DCX: variants seen among roughly 807,000 people sequenced by gnomAD.
DCX encodes the protein neuronal migration protein doublecortin.
In DCX, 4 loss-of-function variants were observed where a neutral mutation model predicts 20.9. That is an observed-to-expected ratio of 0.19 (90% CI 0.09 to 0.44). The LOEUF (loss-of-function observed/expected upper bound fraction) is 0.44, where lower values mean the gene tolerates loss of function less well. Ranked by LOEUF, DCX falls within the 20% of genes least tolerant of loss-of-function variation. DCX has a pLI of 0.99. For missense variants in DCX, 133 were observed against 296.9 expected (o/e 0.45, Z 4.06); for synonymous variants, 103 against 111.4 (o/e 0.92, Z 0.47).
At chrX:111,349,467 C>T (rs181508702) in intron 3 of DCX, among the ~76,000 whole-genome samples, 1 of 111,515 alleles carries the variant, frequency 9.0e-6, no homozygotes, top group African/African-American at 3.3e-5. Context: ...CATTGCCTCC[C>T]AGGTTGCTAG....
chrX:111,312,239 C>T (rs962670819), intron 6 of DCX, among the ~76,000 whole-genome samples: 7 of 111,701 alleles, frequency 6.3e-5, no homozygotes, highest in Non-Finnish European at 1.3e-4. Flanking sequence ...CTCAGTGCAA[C>T]TTTTTGGGAC....
chrX:111,392,814 C>T (rs994478798), intron 3 of DCX, among the ~76,000 whole-genome samples: 6 of 110,881 alleles, frequency 5.4e-5, no homozygotes, highest in African/African-American at 2.0e-4. Context: ...AGAAAATAAC[C>T]CCAACAATTT....
chrX:111,330,313 T>C (rs1191739118), intron 5 of DCX, among the ~76,000 whole-genome samples: 1 of 112,606 alleles, frequency 8.9e-6, no homozygotes, highest in Non-Finnish European at 1.9e-5. Flanking sequence ...TAACTCACTA[T>C]CCACTAAATA....
At chrX:111,347,155 A>G (rs1049609373) in intron 3 of DCX, among the ~76,000 whole-genome samples, 2 of 111,921 alleles carry the variant, frequency 1.8e-5, no homozygotes, top group African/African-American at 6.5e-5. Flanking sequence ...AGAATCTAAA[A>G]CCCATAATTA....
At chrX:111,365,903 G>C (rs774661791) in intron 3 of DCX, among the ~76,000 whole-genome samples, 2 of 111,069 alleles carry the variant, frequency 1.8e-5, no homozygotes, top group South Asian at 3.9e-4. Flanking sequence ...TCTTTGCTGT[G>C]GGGTTGAGGG....
intron 3 of DCX, among the ~76,000 whole-genome samples, chrX:111,359,751 T>A (rs768360321): frequency 8.9e-6 from 1 of 111,832 alleles, no homozygotes; most frequent in African/African-American, 3.2e-5. Flanking sequence ...ATGCTGAAAA[T>A]TATGCTCACT....
At chrX:111,349,129 G>A (rs958500087) in intron 3 of DCX, among the ~76,000 whole-genome samples, 11 of 111,523 alleles carry the variant, frequency 9.9e-5, no homozygotes, top group African/African-American at 3.6e-4. Flanking sequence ...ATAGTTTAGG[G>A]GGGTTAAGGA....
intron 6 of DCX, among the ~76,000 whole-genome samples, chrX:111,307,896 T>C (rs1196806979): frequency 1.8e-5 from 2 of 111,447 alleles, no homozygotes. Flanking sequence ...GAAGCAGGGA[T>C]AAGGCCTGAG....
intron 2 of DCX, among the ~76,000 whole-genome samples, chrX:111,405,914 A>G (rs1266694939): frequency 9.0e-6 from 1 of 111,504 alleles, no homozygotes; most frequent in Non-Finnish European, 1.9e-5. Flanking sequence ...AGAAAACCGT[A>G]GACAAGAGGC....
chrX:111,328,463 C>T (rs1301456360), intron 5 of DCX, among the ~76,000 whole-genome samples: 1 of 111,630 alleles, frequency 9.0e-6, no homozygotes, highest in Non-Finnish European at 1.9e-5. Flanking sequence ...TAGTTGTGTT[C>T]ATGTGTGCTG....
At chrX:111,405,923 G>T (rs1363732831) in intron 2 of DCX, among the ~76,000 whole-genome samples, 3 of 111,376 alleles carry the variant, frequency 2.7e-5, no homozygotes, top group Admixed American at 9.5e-5. Flanking sequence ...TAGACAAGAG[G>T]CACTAGACAA....
intron 5 of DCX, among the ~76,000 whole-genome samples, chrX:111,326,501 T>G (rs1431072778): frequency 8.9e-6 from 1 of 111,797 alleles, no homozygotes; most frequent in Admixed American, 9.5e-5. Context: ...TTAATCAAAG[T>G]GTGGCACTGC....
intron 3 of DCX, among the ~76,000 whole-genome samples, chrX:111,346,604 A>G (rs1233939743): frequency 8.9e-6 from 1 of 112,004 alleles, no homozygotes; most frequent in African/African-American, 3.2e-5. Flanking sequence ...GTCATGTTAA[A>G]AGTTTAAAAA....
rs778858963 is a variant in DCX, at chrX:111,299,606, A to G, written c.*2081T>C. On this transcript the variant is annotated 3_prime_UTR_variant, in exon 7 of 7. Transcript: ENST00000636035. ...GCCCACACCCCCTAATCCAAGTATCACTTTTTCCCAATTAACTACAAAATG... is the reference window on the plus strand; with the variant it reads ...GCCCACACCCCCTAATCCAAGTATCGCTTTTTCCCAATTAACTACAAAATG... The G allele has an allele frequency of 9.0e-6, 1 of 111,435 alleles. No individual in the cohort carries two copies. Among genetic ancestry groups the G allele is most frequent in the African/African-American group, 3.3e-5 (1 of 30,577 alleles). 9.2% of individuals were successfully genotyped at this position (111,435 alleles called of 1,213,427 possible).
At chrX:111,370,603 G>A (rs1248511142) in intron 3 of DCX, among the ~76,000 whole-genome samples, 1 of 111,072 alleles carries the variant, frequency 9.0e-6, no homozygotes, top group African/African-American at 3.3e-5. Flanking sequence ...ACTCACAATA[G>A]CGTCAGAAAT....
intron 3 of DCX, among the ~76,000 whole-genome samples, chrX:111,380,303 G>C (rs997653441): frequency 1.2e-4 from 13 of 111,493 alleles, no homozygotes; most frequent in Non-Finnish European, 2.1e-4. Context: ...GAATTTCATA[G>C]CTTACATTTG....
At chrX:111,366,511 CT>C (rs1009015130) in intron 3 of DCX, among the ~76,000 whole-genome samples, 13 of 112,052 alleles carry the variant, frequency 1.2e-4, no homozygotes, top group Non-Finnish European at 2.1e-4. Context: ...AGCCTGGTTG[CT>C]TGGCAAACAA....
chrX:111,350,105 AATAG>A (rs1923185206), intron 3 of DCX, among the ~76,000 whole-genome samples: 1 of 111,600 alleles, frequency 9.0e-6, no homozygotes, highest in South Asian at 3.8e-4. Flanking sequence ...GGTGCCTGGA[AATAG>A]ATAGCCTAAT....
intron 6 of DCX, among the ~76,000 whole-genome samples, chrX:111,303,365 A>T (rs1330896113): frequency 9.1e-6 from 1 of 109,906 alleles, no homozygotes; most frequent in Non-Finnish European, 1.9e-5. Context: ...CTGCTTTTGT[A>T]TCATAAGGAC....
Sources: gnomAD v4.1 joint callset for allele counts (sites outside exome capture counted in the v4.1 genomes callset) on GRCh38, gnomAD v4.1.1 for gene constraint, MANE v1.5 for transcripts, NCBI Gene and HGNC (gene_info 2026-07-23, HGNC 2026-07-21) for gene names.